KCNMA1: variants seen among roughly 807,000 people sequenced by gnomAD.
KCNMA1 encodes Calcium-activated potassium channel subunit alpha-1.
Under a neutral mutation model 140.0 loss-of-function variants are expected in KCNMA1, and 29 were observed. The ratio of observed to expected loss-of-function variants is 0.21; its 90% CI spans 0.15 to 0.28. The LOEUF is 0.28. Ranked by LOEUF, KCNMA1 falls within the 10% of genes least tolerant of loss-of-function variation. The pLI, the probability that KCNMA1 is intolerant of heterozygous loss-of-function variation, is 1.00. For synonymous variants in KCNMA1, 612 were observed against 611.9 expected (o/e 1.00, Z 0.00); for missense variants, 880 against 1,602.2 (o/e 0.55, Z 7.70).
intron 1 of KCNMA1, among the ~76,000 whole-genome samples, chr10:77,544,156 G>GTGTA (rs1212023731): frequency 1.4e-3 from 205 of 147,812 alleles, no homozygotes; most frequent in African/African-American, 4.8e-3. Context: ...CCAGCTGTGT[G>GTGTA]TGTGTGTGTG....
chr10:76,927,760 G>A (rs1252391923), intron 23 of KCNMA1, among the ~76,000 whole-genome samples: 1 of 152,108 alleles, frequency 6.6e-6, no homozygotes, highest in African/African-American at 2.4e-5. Flanking sequence ...TCATTAAAAA[G>A]GAAAGGGTCA....
intron 18 of KCNMA1, among the ~76,000 whole-genome samples, chr10:77,005,012 TGTTTG>T (rs1157909151): frequency 2.6e-5 from 4 of 152,180 alleles, no homozygotes; most frequent in Non-Finnish European, 5.9e-5. Context: ...TCTCCTTTGG[TGTTTG>T]CTAATTTTCT....
chr10:77,510,084 A>G (rs1395582044), intron 1 of KCNMA1, among the ~76,000 whole-genome samples: 1 of 152,148 alleles, frequency 6.6e-6, no homozygotes, highest in Admixed American at 6.5e-5. Context: ...AAGCGATGAC[A>G]GGAGTATAGA....
At chr10:77,575,418 A>C (rs1456779932) in intron 1 of KCNMA1, among the ~76,000 whole-genome samples, 2 of 152,122 alleles carry the variant, frequency 1.3e-5, no homozygotes, top group Non-Finnish European at 2.9e-5. Context: ...ACCACATTGC[A>C]ATTCCACCTG....
chr10:77,526,773 C>T (rs1333425432), intron 1 of KCNMA1, among the ~76,000 whole-genome samples: 2 of 152,154 alleles, frequency 1.3e-5, no homozygotes, highest in African/African-American at 4.8e-5. Context: ...TCTGCCTACT[C>T]GCTGAGATAG....
chr10:77,403,982 G>A lies in KCNMA1; in HGVS notation c.420C>T (p.Gly140=). The A allele has an allele frequency of 6.2e-7, 1 of 1,614,178 alleles. No individual in the cohort carries two copies. Among genetic ancestry groups the A allele is most frequent in the Non-Finnish European group, 8.5e-7 (1 of 1,180,040 alleles). Residue 140 remains glycine (G), a synonymous_variant, in exon 2 of 28, where the codon GGC becomes GGT. Transcript: ENST00000286628. The part of the protein sequence containing the change: ...KINNGSSQAD[G]TLKPVDEKEE... ...CTTTTTCATCCACTGGTTTGAGAGT[G>A]CCATCCGCCTGGCTTGAGCCATTGT... is the stretch of plus-strand genomic sequence containing the variant.
At chr10:77,151,588 A>G (rs2098419460) in intron 5 of KCNMA1, among the ~76,000 whole-genome samples, 1 of 151,196 alleles carries the variant, frequency 6.6e-6, no homozygotes, top group African/African-American at 2.4e-5. Flanking sequence ...TACACAGAAA[A>G]CTCCCTCCCT....
At chr10:77,458,381 C>T (rs887066268) in intron 1 of KCNMA1, among the ~76,000 whole-genome samples, 5 of 152,228 alleles carry the variant, frequency 3.3e-5, no homozygotes, top group Admixed American at 2.0e-4. Flanking sequence ...GACCAAGGCA[C>T]AGAGAGTTTC....
At chr10:77,136,442 T>C (rs1564751744) in intron 5 of KCNMA1, among the ~76,000 whole-genome samples, 2 of 152,142 alleles carry the variant, frequency 1.3e-5, no homozygotes, top group South Asian at 4.1e-4. Context: ...AGTTTCAACT[T>C]TGCAAGATCA....
At chr10:77,574,007 T>C (rs2073024488) in intron 1 of KCNMA1, among the ~76,000 whole-genome samples, 1 of 152,120 alleles carries the variant, frequency 6.6e-6, no homozygotes, top group East Asian at 1.9e-4. Flanking sequence ...GGCTAATTTT[T>C]GTATTTTTAG....
At chr10:77,004,881 A>G (rs561712115) in intron 18 of KCNMA1, among the ~76,000 whole-genome samples, 1 of 152,286 alleles carries the variant, frequency 6.6e-6, no homozygotes, top group South Asian at 2.1e-4. Context: ...AATTTTAGAT[A>G]TGAAGAGTTC....
chr10:77,457,423 G>A (rs1475133395), intron 1 of KCNMA1, among the ~76,000 whole-genome samples: 1 of 152,058 alleles, frequency 6.6e-6, no homozygotes, highest in Admixed American at 6.6e-5. Flanking sequence ...GCCCTCCCCA[G>A]AGTCCTTTCC....
intron 2 of KCNMA1, among the ~76,000 whole-genome samples, chr10:77,256,044 T>C (rs1453072935): frequency 1.3e-5 from 2 of 151,954 alleles, no homozygotes; most frequent in South Asian, 2.1e-4. Flanking sequence ...TGAAGATCTT[T>C]CAAATGTCTG....
intron 2 of KCNMA1, among the ~76,000 whole-genome samples, chr10:77,385,465 T>C (rs1214924665): frequency 2.0e-5 from 3 of 152,252 alleles, no homozygotes; most frequent in Non-Finnish European, 4.4e-5. Context: ...ATGAGGTAAG[T>C]ACTACGATTG....
chr10:77,495,887 C>T (rs141500356), intron 1 of KCNMA1, among the ~76,000 whole-genome samples: 66 of 152,306 alleles, frequency 4.3e-4, no homozygotes, highest in African/African-American at 1.3e-3. Context: ...AGTACCCCCG[C>T]GGTTCCTCCC....
intron 5 of KCNMA1, among the ~76,000 whole-genome samples, chr10:77,142,594 T>G (rs1460973807): frequency 6.6e-6 from 1 of 152,102 alleles, no homozygotes; most frequent in African/African-American, 2.4e-5. Context: ...GATGGCAATT[T>G]TTTTAGGCCG....
In KCNMA1 at chr10:77,143,203, T is replaced by A. The variant is rs557146448; in HGVS notation, c.809-22155A>T. On this transcript the variant is annotated intron_variant, in intron 5 of 27. Transcript: ENST00000286628. ...TACTAGTCAAATGAATCCAGCAGTA[T>A]ATAAAAAGAATAATACTTTAGAATC... Among the ~76,000 whole-genome samples the A allele has an allele frequency of 3.3e-5, 5 of 152,240 alleles. No homozygotes were observed. The South Asian group carries it at 1.0e-3, about 32-fold the overall frequency.
chr10:77,343,247 C>T (rs2091405719), intron 2 of KCNMA1, among the ~76,000 whole-genome samples: 1 of 152,164 alleles, frequency 6.6e-6, no homozygotes, highest in Admixed American at 6.5e-5. Context: ...ATGGCCCCTA[C>T]TATGAATCAG....
intron 24 of KCNMA1, 195 bp from the exon 25 acceptor site, chr10:76,910,291 T>G (rs1033021195): frequency 3.3e-6 from 2 of 602,194 alleles, no homozygotes; most frequent in Non-Finnish European, 3.0e-6. Flanking sequence ...ACTGTTTAAG[T>G]GTCTGAGACC....
Sources: gnomAD v4.1 joint callset for allele counts (sites outside exome capture counted in the v4.1 genomes callset) on GRCh38, gnomAD v4.1.1 for gene constraint, MANE v1.5 for transcripts, NCBI Gene and HGNC (gene_info 2026-07-23, HGNC 2026-07-21) for gene names.